The following ADAM7 variants were observed in gnomAD, a reference collection of about 807,000 sequenced individuals.
The protein encoded by ADAM7 is disintegrin and metalloproteinase domain-containing protein 7.
ADAM7 carries 97 observed loss-of-function variants against 102.9 expected under a neutral mutation model. That is an observed-to-expected ratio of 0.94 (90% CI 0.80 to 1.12). The LOEUF (loss-of-function observed/expected upper bound fraction) is 1.12, where lower values mean the gene tolerates loss of function less well. Ranked by LOEUF, ADAM7 falls within the 50% of genes most tolerant of loss-of-function variation. The pLI is 0.00. For synonymous variants in ADAM7, 334 were observed against 304.4 expected, an observed-to-expected ratio of 1.10 and a Z score of -1.01; for missense variants, 991 against 908.7, an observed-to-expected ratio of 1.09 and a Z score of -1.16.
chr8:24,508,775 G>C lies in ADAM7; in HGVS notation c.*229G>C. ...ATATGCTGCAGAAAAAAAATGTCTT[G>C]TGGTCTTTCAAATGCTCTTTAGCAC... On this transcript the variant is annotated 3_prime_UTR_variant, in exon 22 of 22. Coordinates refer to ENST00000175238, the MANE Select transcript of ADAM7 (RefSeq NM_003817.4). 2.2e-6 allele frequency: 3 copies of C among 1,350,928 alleles called. No homozygotes were observed. Among genetic ancestry groups the C allele is most frequent in the Non-Finnish European group, 2.9e-6 (3 of 1,050,614 alleles). The allele number at this position is 1,350,928 out of a possible 1,614,324, so 83.7% of individuals were successfully genotyped here.
chr8:24,504,611 T>C (rs1820888137), intron 20 of ADAM7, among the ~76,000 whole-genome samples: 1 of 152,166 alleles, frequency 6.6e-6, no homozygotes, highest in Non-Finnish European at 1.5e-5. Context: ...AATAAAAATA[T>C]TATATTGCCA....
intron 3 of ADAM7, among the ~76,000 whole-genome samples, chr8:24,461,590 A>ATT (rs368240586): frequency 2.7e-5 from 4 of 148,742 alleles, no homozygotes; most frequent in Non-Finnish European, 4.5e-5. Context: ...CTACTTTTCC[A>ATT]TTTTTTTTTC....
At chr8:24,444,432 C>T (rs997725111) in intron 2 of ADAM7, among the ~76,000 whole-genome samples, 1 of 151,716 alleles carries the variant, frequency 6.6e-6, no homozygotes, top group African/African-American at 2.4e-5. Flanking sequence ...CAGGAAGTAC[C>T]ATACTGAAGG....
At position 24,447,212 on chromosome 8, in the gene ADAM7, T is replaced by C. The variant is rs770763212; in HGVS notation, c.183T>C (p.Tyr61=). The C allele has an allele frequency of 5.1e-6, 8 of 1,557,264 alleles. No homozygotes were observed. Among genetic ancestry groups the C allele is most frequent in the Non-Finnish European group, 5.3e-6 (6 of 1,140,704 alleles). Residue 61 remains tyrosine (Y), a synonymous_variant, in exon 3 of 22, where the codon TAT becomes TAC. Transcript: ENST00000175238. ...AAACGTATGAAGAAGAATTGTTGTA[T>C]GAAATAAAACTAAATAGAAAAACCT... ...ILKTYEEELL[Y]EIKLNRKTLV...
intron 18 of ADAM7, 87 bp from the exon 19 acceptor site, chr8:24,500,703 A>G (rs1391739497): frequency 9.7e-7 from 1 of 1,030,906 alleles, no homozygotes; most frequent in Non-Finnish European, 1.5e-6. Context: ...AGGAATAAGG[A>G]GCATTGTAAC....
In ADAM7 at chr8:24,467,267, A is replaced by C. The variant is rs548612582; in HGVS notation, c.579+279A>C. 2.7e-4 allele frequency: 133 copies of C among 485,556 alleles called. 1 individual carries two copies. The highest frequency in any genetic ancestry group is 2.2e-3 in the African/African-American group (110 of 50,700). 30.1% of individuals were successfully genotyped at this position (485,556 alleles called of 1,614,324 possible). On this transcript the variant is annotated intron_variant, in intron 6 of 21. Transcript: ENST00000175238. ...AGTAGTTGGAAATCATGAAATTTTC[A>C]ATGTCCTAAAACCTAATCTAGAGAT...
At chr8:24,454,146 C>A (rs1006736531) in intron 3 of ADAM7, among the ~76,000 whole-genome samples, 1 of 152,218 alleles carries the variant, frequency 6.6e-6, no homozygotes, top group African/African-American at 2.4e-5. Flanking sequence ...CTCAGATCTC[C>A]AGCTGCATGC....
At chr8:24,456,487 A>G (rs1048077454) in intron 3 of ADAM7, among the ~76,000 whole-genome samples, 17 of 152,130 alleles carry the variant, frequency 1.1e-4, no homozygotes, top group African/African-American at 4.1e-4. Context: ...TTACGTAAAC[A>G]CCCACAAGTG....
In ADAM7 at chr8:24,441,076, C is replaced by G; in HGVS notation, c.-33C>G. 2 of 1,597,690 alleles carry G rather than the reference C, an allele frequency of 1.3e-6. No homozygotes were observed. The highest frequency in any genetic ancestry group is 1.7e-6 in the Non-Finnish European group (2 of 1,165,378). On this transcript the variant is annotated 5_prime_UTR_variant, in exon 1 of 22. Coordinates refer to ENST00000175238, the MANE Select transcript of ADAM7 (RefSeq NM_003817.4). ...AGAAAGGTGAACTCCTTTTCTCAAG[C>G]ACTTCTGCTCTCCTCTACCAGAATC...
In ADAM7 at chr8:24,491,941, T is replaced by C. The variant is rs766079992; in HGVS notation, c.1395T>C (p.Asp465=). 5.0e-6 allele frequency: 8 copies of C among 1,613,182 alleles called. No individual in the cohort carries two copies. The African/African-American group carries it at 6.7e-5, about 13-fold the overall frequency. ...GGTCCATATGCAGACCGGCGAAAGA[T>C]GAATGTGATTTTCCTGAGATGTGCA... ...KAGSICRPAK[D]ECDFPEMCTG... is the part of the protein sequence containing the mutation. Residue 465 remains aspartate, a synonymous_variant, in exon 14 of 22, where the codon GAT becomes GAC. Coordinates refer to ENST00000175238, the MANE Select transcript of ADAM7 (RefSeq NM_003817.4).
At chr8:24,502,423 T>C (rs1406504598) in intron 20 of ADAM7, among the ~76,000 whole-genome samples, 1 of 151,890 alleles carries the variant, frequency 6.6e-6, no homozygotes, top group Non-Finnish European at 1.5e-5. Context: ...AAATATCAGA[T>C]TGATCACTAA....
At chr8:24,505,420 T>C (rs1240225106) in intron 20 of ADAM7, among the ~76,000 whole-genome samples, 1 of 152,166 alleles carries the variant, frequency 6.6e-6, no homozygotes, top group African/African-American at 2.4e-5. Context: ...ATATACACCA[T>C]GATATTAACA....
chr8:24,495,714 G>A (rs1233264257), intron 16 of ADAM7, among the ~76,000 whole-genome samples: 2 of 152,190 alleles, frequency 1.3e-5, no homozygotes, highest in Non-Finnish European at 2.9e-5. Flanking sequence ...TTGTGGAACT[G>A]TGAACTGAAG....
At chr8:24,500,458 C>G (rs1239967696) in intron 18 of ADAM7, among the ~76,000 whole-genome samples, 1 of 152,174 alleles carries the variant, frequency 6.6e-6, no homozygotes, top group African/African-American at 2.4e-5. Context: ...AATGTAGTCT[C>G]TTCTAGCTAA....
In ADAM7 at chr8:24,482,147, T is replaced by C; in HGVS notation, c.711T>C (p.Tyr237=). The C allele has an allele frequency of 1.3e-6, 2 of 1,579,366 alleles. No individual in the cohort carries two copies. Among genetic ancestry groups the C allele is most frequent in the Non-Finnish European group, 1.7e-6 (2 of 1,169,386 alleles). Residue 237 remains tyrosine, a synonymous_variant, in exon 9 of 22, where the codon TAT becomes TAC. Coordinates refer to ENST00000175238, the MANE Select transcript of ADAM7 (RefSeq NM_003817.4). Reference sequence around the variant, plus strand: ...ATGATTTCTTCTTTGAACAGATTTATAAAACCTTAAACATCCATGTGACGT... The same window carrying C: ...ATGATTTCTTCTTTGAACAGATTTACAAAACCTTAAACATCCATGTGACGT... ...WGMVNFVNMI[Y]KTLNIHVTLV...
At chr8:24,499,417 T>A in intron 17 of ADAM7, 101 bp downstream of exon 17, 1 of 830,848 alleles carries the variant, frequency 1.2e-6, no homozygotes, top group Non-Finnish European at 1.7e-6. Context: ...TATGTATTTT[T>A]GCTGCTTTCT....
chr8:24,490,656 A>T (rs1820311687), intron 12 of ADAM7, 143 bp from the exon 13 acceptor site: 1 of 745,450 alleles, frequency 1.3e-6, no homozygotes, highest in East Asian at 2.6e-5. Context: ...TCTAAACAGT[A>T]ATCTTTATGT....
intron 3 of ADAM7, among the ~76,000 whole-genome samples, chr8:24,450,275 C>A (rs1480413034): frequency 6.6e-6 from 1 of 152,134 alleles, no homozygotes; most frequent in Non-Finnish European, 1.5e-5. Flanking sequence ...ATTCTTCCTA[C>A]CCATGAGCAT....
intron 3 of ADAM7, among the ~76,000 whole-genome samples, chr8:24,452,551 C>G (rs774880157): frequency 1.3e-5 from 2 of 151,172 alleles, no homozygotes; most frequent in African/African-American, 2.4e-5. Context: ...TGTCTCTGCA[C>G]GTGAGATGGG....
Sources: gnomAD v4.1 joint callset for allele counts (sites outside exome capture counted in the v4.1 genomes callset) on GRCh38, gnomAD v4.1.1 for gene constraint, MANE v1.5 for transcripts, NCBI Gene and HGNC (gene_info 2026-07-23, HGNC 2026-07-21) for gene names.